Variants in CD1B observed in about 807,000 individuals in gnomAD.
The protein encoded by CD1B is CD1b molecule.
In CD1B, 43 loss-of-function variants were observed where a neutral mutation model predicts 39.8. The ratio of observed to expected loss-of-function variants is 1.08; its 90% CI spans 0.85 to 1.39. The LOEUF (loss-of-function observed/expected upper bound fraction) is 1.39. Ranked by LOEUF, CD1B falls within the 40% of genes most tolerant of loss-of-function variation. The probability of loss-of-function intolerance (pLI) is 0.00; values close to 1 mark genes in which losing one functional copy is unlikely to be tolerated. For synonymous variants in CD1B, 192 were observed against 152.5 expected, an observed-to-expected ratio of 1.26 and a Z score of -1.91; for missense variants, 495 against 403.8, an observed-to-expected ratio of 1.23 and a Z score of -1.94.
chr1:158,305,496 G>C, the CD1B span, among the ~76,000 whole-genome samples: 1 of 152,202 alleles, frequency 6.6e-6, no homozygotes, highest in African/African-American at 2.4e-5. Context: ...AACCAAGTTG[G>C]AAAACACTCT....
the CD1B span, chr1:158,289,800 G>A: frequency 5.2e-6 from 2 of 387,388 alleles, no homozygotes; most frequent in African/African-American, 2.0e-5. Flanking sequence ...AGTTGAGGAA[G>A]GGAAGTAGAT....
chr1:158,313,854 G>A, the CD1B span, among the ~76,000 whole-genome samples: 341 of 152,044 alleles, frequency 2.2e-3, 2 homozygotes, highest in African/African-American at 8.0e-3. Flanking sequence ...CTCATTATTG[G>A]CCTGTTTGAA....
At chr1:158,294,723 C>T in the CD1B span, among the ~76,000 whole-genome samples, 1 of 152,168 alleles carries the variant, frequency 6.6e-6, no homozygotes, top group Non-Finnish European at 1.5e-5. Flanking sequence ...TAAGCTTAAA[C>T]TTGTATTTTC....
the CD1B span, among the ~76,000 whole-genome samples, chr1:158,311,378 CT>C: frequency 6.6e-6 from 1 of 152,026 alleles, no homozygotes; most frequent in African/African-American, 2.4e-5. Flanking sequence ...AAATAACTTA[CT>C]TTTTTGCCAT....
At chr1:158,291,198 A>T in the CD1B span, 1 of 1,613,462 alleles carries the variant, frequency 6.2e-7, no homozygotes, top group South Asian at 1.1e-5. Flanking sequence ...AATCCTGGGC[A>T]CGAGGTCAGG....
At position 158,329,251 on chromosome 1, in the gene CD1B, A is replaced by C. The variant is rs550906668; in HGVS notation, c.886+119T>G. On this transcript the variant is annotated intron_variant, in intron 4 of 5. Coordinates refer to ENST00000368168, the MANE Select transcript of CD1B (RefSeq NM_001764.3). ...CTCCTGTTGGGATTGGGGTCAGGGA[A>C]ATCAATCAATCAATCTCTCCCTCTT... 40 of 1,268,706 alleles carry C rather than the reference A, an allele frequency of 3.2e-5. 1 individual carries two copies. The Middle Eastern group carries it at 5.9e-4, about 19-fold the overall frequency. The allele number at this position is 1,268,706 out of a possible 1,614,324, so 78.6% of individuals were successfully genotyped here.
At chr1:158,291,731 C>T in the CD1B span, among the ~76,000 whole-genome samples, 1 of 152,124 alleles carries the variant, frequency 6.6e-6, no homozygotes. Context: ...AGATCTATGT[C>T]CACAGTTCAA....
chr1:158,328,277 A>T lies in CD1B; in HGVS notation c.981-20T>A, dbSNP rs578172648. 5.6e-6 allele frequency: 9 copies of T among 1,604,382 alleles called. No individual in the cohort carries two copies. The highest frequency in any genetic ancestry group is 1.7e-5 in the Admixed American group (1 of 59,842). ...TATGACCTGTTAAAAACAGAAGAACAAAAGAGCTCCACATAAAAGATGTTT... is the reference window on the plus strand; with the variant it reads ...TATGACCTGTTAAAAACAGAAGAACTAAAGAGCTCCACATAAAAGATGTTT... On this transcript the variant is annotated intron_variant, in intron 5 of 5. Coordinates refer to ENST00000368168, the MANE Select transcript of CD1B (RefSeq NM_001764.3).
At chr1:158,307,786 C>G in the CD1B span, among the ~76,000 whole-genome samples, 4 of 151,906 alleles carry the variant, frequency 2.6e-5, no homozygotes, top group Non-Finnish European at 5.9e-5. Context: ...ATTCAACAAC[C>G]CTTCATGCTA....
chr1:158,291,378 T>C, the CD1B span: 2 of 1,614,088 alleles, frequency 1.2e-6, no homozygotes, highest in Non-Finnish European at 1.7e-6. Flanking sequence ...TTCAAGACCA[T>C]GCAAGTCAAG....
downstream of CD1B, among the ~76,000 whole-genome samples, chr1:158,323,962 A>G (rs751266593): frequency 6.6e-6 from 1 of 152,124 alleles, no homozygotes; most frequent in Admixed American, 6.6e-5. Flanking sequence ...AAAATGGGTG[A>G]TTGCCTGGCT....
At chr1:158,330,524 C>T (rs1282410030) in intron 2 of CD1B, 1 of 637,148 alleles carries the variant, frequency 1.6e-6, no homozygotes, top group Non-Finnish European at 2.9e-6. Context: ...AAGTAAGGGC[C>T]CTTGAGGAGA....
the CD1B span, among the ~76,000 whole-genome samples, chr1:158,316,685 C>T: frequency 1.3e-5 from 2 of 150,834 alleles, no homozygotes; most frequent in Admixed American, 1.3e-4. Context: ...CCAGAACTTC[C>T]AACACTATGT....
the CD1B span, among the ~76,000 whole-genome samples, chr1:158,302,919 C>T: frequency 6.6e-6 from 1 of 151,970 alleles, no homozygotes; most frequent in Non-Finnish European, 1.5e-5. Context: ...GTGATTATTC[C>T]CTAACTAATT....
chr1:158,329,231 G>C (rs1409646004), intron 4 of CD1B, 139 bp downstream of exon 4: 12 of 1,163,554 alleles, frequency 1.0e-5, no homozygotes, highest in Non-Finnish European at 1.5e-5. Context: ...TTTTACTCCT[G>C]TTGGGATTGG....
chr1:158,303,138 C>G, the CD1B span, among the ~76,000 whole-genome samples: 7 of 152,276 alleles, frequency 4.6e-5, no homozygotes, highest in East Asian at 1.3e-3. Context: ...ATACAGAAAT[C>G]AGTAAATGAT....
the CD1B span, among the ~76,000 whole-genome samples, chr1:158,301,389 TC>T: frequency 6.6e-6 from 1 of 152,214 alleles, no homozygotes; most frequent in African/African-American, 2.4e-5. Flanking sequence ...GCATCAATGG[TC>T]TTTACAATTT....
the CD1B span, among the ~76,000 whole-genome samples, chr1:158,313,000 T>C: frequency 6.6e-6 from 1 of 152,198 alleles, no homozygotes; most frequent in African/African-American, 2.4e-5. Context: ...TATGTGGCTT[T>C]TATTGTGTTT....
At chr1:158,327,581 TTTGCAGCTAAGAGATC>T (rs1277230735), downstream of CD1B, among the ~76,000 whole-genome samples, 1 of 152,130 alleles carries the variant, frequency 6.6e-6, no homozygotes, top group Non-Finnish European at 1.5e-5. Flanking sequence ...AGAAAATGAA[TTTGCAGCTAAGAGATC>T]TTGCCAGAGA....
Sources: gnomAD v4.1 joint callset for allele counts (sites outside exome capture counted in the v4.1 genomes callset) on GRCh38, gnomAD v4.1.1 for gene constraint, MANE v1.5 for transcripts, NCBI Gene and HGNC (gene_info 2026-07-23, HGNC 2026-07-21) for gene names.